Variants in TMED10 observed in about 807,000 individuals in gnomAD.
TMED10 encodes the protein transmembrane emp24 domain-containing protein 10.
TMED10 carries 7 observed loss-of-function variants against 23.1 expected under a neutral mutation model. The observed-to-expected ratio is 0.30, with a 90% CI of 0.17 to 0.57. The LOEUF (loss-of-function observed/expected upper bound fraction) is 0.57, where lower values mean the gene tolerates loss of function less well. Among genes scored for constraint, TMED10 ranks in the 20% least tolerant of loss-of-function variants. The probability of loss-of-function intolerance (pLI) is 0.91; values close to 1 mark genes in which losing one functional copy is unlikely to be tolerated. For missense variants in TMED10, 162 were observed against 274.8 expected (o/e 0.59, Z 2.90); for synonymous variants, 113 against 106.9 (o/e 1.06, Z -0.35).
Position 75,134,703 on chromosome 14 carries a change from C to A in TMED10, c.*182G>T. The A allele has an allele frequency of 1.5e-6, 1 of 658,496 alleles. No homozygotes were observed. The highest frequency in any genetic ancestry group is 2.2e-5 in the South Asian group (1 of 46,244). 40.8% of individuals were successfully genotyped at this position (658,496 alleles called of 1,614,324 possible). ...AATCCTACCAAATTAAAAAGAAGTC[C>A]CTCATTGACTTGTTGGGTGTAGGTG... On this transcript the variant is annotated 3_prime_UTR_variant, in exon 5 of 5. Coordinates refer to ENST00000303575, the MANE Select transcript of TMED10 (RefSeq NM_006827.6).
chr14:75,135,147 CTTTTT>C (rs1409388461), intron 4 of TMED10, 141 bp from the exon 5 acceptor site: 21 of 1,169,752 alleles, frequency 1.8e-5, no homozygotes, highest in Admixed American at 5.1e-5. Flanking sequence ...GATAATTTTT[CTTTTT>C]AAGTTCATTA....
intron 2 of TMED10, among the ~76,000 whole-genome samples, chr14:75,150,529 G>GATT (rs1895942902): frequency 6.6e-6 from 1 of 152,154 alleles, no homozygotes; most frequent in African/African-American, 2.4e-5. Context: ...GGTCCCATAA[G>GATT]ATTATTATAA....
At chr14:75,135,527 TG>T in intron 4 of TMED10, 2 of 460,698 alleles carry the variant, frequency 4.3e-6, no homozygotes, top group Non-Finnish European at 7.6e-6. Context: ...CAGTTTGATG[TG>T]GGTATAGACT....
chr14:75,145,213 G>A (rs535089471), intron 3 of TMED10, among the ~76,000 whole-genome samples: 2 of 152,304 alleles, frequency 1.3e-5, no homozygotes, highest in South Asian at 2.1e-4. Context: ...CATGTCAGAC[G>A]TCTGAAGCAG....
intron 3 of TMED10, among the ~76,000 whole-genome samples, chr14:75,142,484 T>C (rs1437940301): frequency 6.6e-6 from 1 of 152,170 alleles, no homozygotes; most frequent in Non-Finnish European, 1.5e-5. Context: ...TGTACCCAAA[T>C]CTGACCTATC....
Position 75,144,458 on chromosome 14 carries a change from G to A in TMED10, c.411+3206C>T, listed in dbSNP as rs145852997. 8.4e-3 allele frequency among the ~76,000 whole-genome samples: 1,281 copies of A among 152,310 alleles called. 45 individuals carry two copies. Among genetic ancestry groups the A allele is most frequent in the Admixed American group, 0.065 (987 of 15,302 alleles). ...AAGACTTAATGCTTCTTCACAGTAT[G>A]ACAAGCATTCTGTCTTCCAAATAAT... On this transcript the variant is annotated intron_variant, in intron 3 of 4. Transcript: ENST00000303575.
At chr14:75,140,110 G>C (rs1189584852) in intron 3 of TMED10, among the ~76,000 whole-genome samples, 2 of 152,068 alleles carry the variant, frequency 1.3e-5, no homozygotes, top group Non-Finnish European at 2.9e-5. Flanking sequence ...GACCACACTG[G>C]CACCCTGATC....
intron 1 of TMED10, among the ~76,000 whole-genome samples, chr14:75,152,466 C>T (rs1191890349): frequency 1.3e-5 from 2 of 152,224 alleles, no homozygotes; most frequent in Non-Finnish European, 2.9e-5. Context: ...TCACTAGTAT[C>T]ATTCCGCATA....
rs1246301302 is a variant in TMED10 at position 75,132,682 on chromosome 14, A to T, written c.*2203T>A. On this transcript the variant is annotated 3_prime_UTR_variant, in exon 5 of 5. Transcript: ENST00000303575. ...AAAGTTTGGGTTCATAGTAGCAGGA[A>T]CATTAACAGAATAGCCTGAGATTTT... 6.6e-6 allele frequency: 1 copy of T among 152,212 alleles called. No individual in the cohort carries two copies. The highest frequency in any genetic ancestry group is 1.5e-5 in the Non-Finnish European group (1 of 68,040). The allele number at this position is 152,212 out of a possible 1,614,324, so 9.4% of individuals were successfully genotyped here.
rs141840711 is a variant in TMED10 at position 75,134,723 on chromosome 14, T to C, written c.*162A>G. On this transcript the variant is annotated 3_prime_UTR_variant, in exon 5 of 5. Transcript: ENST00000303575. Reference sequence around the variant, plus strand: ...AAGTCCCTCATTGACTTGTTGGGTGTAGGTGGTACCCCATGTCCTCCCACA... The same window carrying C: ...AAGTCCCTCATTGACTTGTTGGGTGCAGGTGGTACCCCATGTCCTCCCACA... 247 of 840,406 alleles carry C rather than the reference T, an allele frequency of 2.9e-4. No homozygotes were observed. The African/African-American group carries it at 3.4e-3, about 12-fold the overall frequency. The allele number at this position is 840,406 out of a possible 1,614,324, so 52.1% of individuals were successfully genotyped here. A position where few individuals can be genotyped will look rare whatever the true frequency, so the allele number is the denominator to read the frequency against.
intron 2 of TMED10, among the ~76,000 whole-genome samples, chr14:75,149,845 CTGT>C (rs369868350): frequency 0.47 from 71,530 of 151,910 alleles, 17,304 homozygotes; most frequent in Middle Eastern, 0.56. Context: ...TGGCTCATGC[CTGT>C]AATCCCAGCA....
intron 3 of TMED10, chr14:75,136,726 A>G (rs900945266): frequency 6.6e-6 from 1 of 152,230 alleles, no homozygotes; most frequent in African/African-American, 2.4e-5. Context: ...CAGAGCTCAG[A>G]TGTGAGAAAA....
In TMED10 at chr14:75,134,992, G is replaced by T. The variant is rs1895730147; in HGVS notation, c.553C>A (p.Arg185=). 2 of 1,613,954 alleles carry T rather than the reference G, an allele frequency of 1.2e-6. No individual in the cohort carries two copies. Among genetic ancestry groups the T allele is most frequent in the South Asian group, 2.2e-5 (2 of 91,064 alleles). ...GAAAAGATGCTGAAGTATAGGACCC[G>T]AGTGTTTGTTGACTCTAAAAAAAAA... ...MRDTNESTNT[R]VLYFSIFSMF... The change falls in exon 5 of 5, where the codon CGG becomes AGG. Residue 185 remains arginine, a synonymous_variant. Coordinates refer to ENST00000303575, the MANE Select transcript of TMED10 (RefSeq NM_006827.6).
chr14:75,158,730 G>A (rs1286295933), intron 1 of TMED10, among the ~76,000 whole-genome samples: 2 of 151,982 alleles, frequency 1.3e-5, no homozygotes. Flanking sequence ...TTCGAGACCA[G>A]CCTGACTAAC....
intron 1 of TMED10, among the ~76,000 whole-genome samples, chr14:75,169,950 G>A (rs915100880): frequency 5.3e-5 from 8 of 152,124 alleles, no homozygotes; most frequent in South Asian, 2.1e-4. Context: ...TGGAACGGCC[G>A]GGCGTGGTGG....
chr14:75,134,700 G>C lies in TMED10; in HGVS notation c.*185C>G. On this transcript the variant is annotated 3_prime_UTR_variant, in exon 5 of 5. Coordinates refer to ENST00000303575, the MANE Select transcript of TMED10 (RefSeq NM_006827.6). ...CAAAATCCTACCAAATTAAAAAGAAGTCCCTCATTGACTTGTTGGGTGTAG... is the reference window on the plus strand; with the variant it reads ...CAAAATCCTACCAAATTAAAAAGAACTCCCTCATTGACTTGTTGGGTGTAG... 1.5e-6 allele frequency: 1 copy of C among 648,452 alleles called. No individual in the cohort carries two copies. Among genetic ancestry groups the C allele is most frequent in the Non-Finnish European group, 2.5e-6 (1 of 393,678 alleles). The allele number at this position is 648,452 out of a possible 1,614,324, so 40.2% of individuals were successfully genotyped here. A position where few individuals can be genotyped will look rare whatever the true frequency, so the allele number is the denominator to read the frequency against.
rs1895712257 is a variant in TMED10, at chr14:75,133,530, A to G, written c.*1355T>C. 6.6e-6 allele frequency: 1 copy of G among 152,492 alleles called. No individual in the cohort carries two copies. The highest frequency in any genetic ancestry group is 6.5e-5 in the Admixed American group (1 of 15,286). 9.4% of individuals were successfully genotyped at this position (152,492 alleles called of 1,614,324 possible). Reference sequence around the variant, plus strand: ...TGTGAAGAAACTGGATCAATCATACATTGCTGTCTGAATTGTATGAGTGGC... The same window carrying G: ...TGTGAAGAAACTGGATCAATCATACGTTGCTGTCTGAATTGTATGAGTGGC... On this transcript the variant is annotated 3_prime_UTR_variant, in exon 5 of 5. Coordinates refer to ENST00000303575, the MANE Select transcript of TMED10 (RefSeq NM_006827.6).
intron 3 of TMED10, among the ~76,000 whole-genome samples, chr14:75,146,475 C>T (rs7143599): frequency 0.038 from 5,776 of 152,208 alleles, 130 homozygotes; most frequent in Middle Eastern, 0.051. Flanking sequence ...TTTCCTGTAC[C>T]CCACTCCTCC....
At chr14:75,175,483 T>C (rs1278294040) in intron 1 of TMED10, among the ~76,000 whole-genome samples, 1 of 151,834 alleles carries the variant, frequency 6.6e-6, no homozygotes, top group Non-Finnish European at 1.5e-5. Flanking sequence ...ATCTATTCCA[T>C]CGCAAGGACA....
Sources: allele counts gnomAD v4.1 joint callset (sites outside exome capture counted in the v4.1 genomes callset), GRCh38; gene constraint gnomAD v4.1.1; transcripts MANE v1.5; gene names NCBI Gene and HGNC (gene_info 2026-07-23, HGNC 2026-07-21).